CRB1: variants seen among roughly 807,000 people sequenced by gnomAD.
CRB1 encodes the protein protein crumbs homolog 1.
In CRB1, 83 loss-of-function variants were observed where a neutral mutation model predicts 120.0. That is an observed-to-expected ratio of 0.69 (90% confidence interval 0.58 to 0.83). The LOEUF (loss-of-function observed/expected upper bound fraction) is 0.83. CRB1 is among the 40% of genes least tolerant of loss of function. The pLI is 0.00. For missense variants in CRB1, 1,699 were observed against 1,687.6 expected (o/e 1.01, Z -0.12); for synonymous variants, 625 against 612.5 (o/e 1.02, Z -0.30).
intron 4 of CRB1, among the ~76,000 whole-genome samples, chr1:197,354,148 A>T (rs1660284715): frequency 6.6e-6 from 1 of 152,186 alleles, no homozygotes; most frequent in Non-Finnish European, 1.5e-5. Context: ...TGGTGATAGC[A>T]AAGGTTGGCA....
At chr1:197,380,061 C>T (rs982078098) in intron 5 of CRB1, among the ~76,000 whole-genome samples, 4 of 151,918 alleles carry the variant, frequency 2.6e-5, no homozygotes, top group African/African-American at 7.3e-5. Flanking sequence ...TTTAATACGT[C>T]GAAAAAGAGG....
intron 5 of CRB1, among the ~76,000 whole-genome samples, chr1:197,370,485 G>C (rs973679792): frequency 6.6e-6 from 1 of 152,048 alleles, no homozygotes; most frequent in South Asian, 2.1e-4. Flanking sequence ...TACACTCTCA[G>C]ACCACAGTGG....
chr1:197,238,069 G>C, the CRB1 span, among the ~76,000 whole-genome samples: 1 of 151,942 alleles, frequency 6.6e-6, no homozygotes, highest in African/African-American at 2.4e-5. Context: ...AGTTTAATGT[G>C]CTTTTAAAAA....
At chr1:197,351,346 C>T (rs1453022839) in intron 4 of CRB1, among the ~76,000 whole-genome samples, 10 of 108,538 alleles carry the variant, frequency 9.2e-5, no homozygotes, top group Non-Finnish European at 1.7e-4. Flanking sequence ...TACTCCAGGG[C>T]GAGAGGGTGA....
chr1:197,305,916 A>AG (rs1657144794), intron 1 of CRB1, among the ~76,000 whole-genome samples: 1 of 147,608 alleles, frequency 6.8e-6, no homozygotes, highest in Non-Finnish European at 1.5e-5. Flanking sequence ...AAAAAAAAAA[A>AG]CAAAAAGCAA....
chr1:197,424,707 A>G (rs1664496910), intron 6 of CRB1, among the ~76,000 whole-genome samples: 2 of 152,216 alleles, frequency 1.3e-5, no homozygotes, highest in South Asian at 4.1e-4. Context: ...ATGATGCCAC[A>G]TAGTCCTGTT....
rs773815247 is a variant in CRB1, at chr1:197,434,764, G to A, written c.2901G>A (p.Gly967=). The change falls in exon 9 of 12, where the codon GGG becomes GGA. Residue 967 remains glycine (G), a synonymous_variant. Transcript: ENST00000367400. The part of the protein sequence containing the change: ...QSGQILFRSN[G]NITRELTNIT... Reference sequence around the variant, plus strand: ...GTCAAATATTATTCAGAAGCAATGGGAATATTACCAGAGAACTCACCAATA... The same window carrying A: ...GTCAAATATTATTCAGAAGCAATGGAAATATTACCAGAGAACTCACCAATA... 6.2e-7 allele frequency: 1 copy of A among 1,613,602 alleles called. No individual in the cohort carries two copies. The highest frequency in any genetic ancestry group is 8.5e-7 in the Non-Finnish European group (1 of 1,179,690).
At chr1:197,369,108 G>C (rs192323613) in intron 5 of CRB1, among the ~76,000 whole-genome samples, 110 of 152,264 alleles carry the variant, frequency 7.2e-4, no homozygotes, top group Non-Finnish European at 1.3e-3. Context: ...ACGTGGTCTA[G>C]TGTGTGTTTA....
chr1:197,427,904 A>G lies in CRB1; in HGVS notation c.2579A>G (p.Gln860Arg), dbSNP rs1428615833. 6.2e-7 allele frequency: 1 copy of G among 1,614,044 alleles called. No individual in the cohort carries two copies. The highest frequency in any genetic ancestry group is 8.5e-7 in the Non-Finnish European group (1 of 1,179,968). The change falls in exon 7 of 12, where the codon CAA (glutamine) becomes CGA (arginine). Residue 860 changes from glutamine to arginine, a missense_variant. Transcript: ENST00000367400. ...GCIQDVRLNN[Q>R]NLEFFPNPTN... ...ATCCAAGATGTAAGACTAAACAACC[A>G]AAATCTGGAATTCTTTCCAAATCCA...
At chr1:197,331,295 G>A (rs1463266374) in intron 2 of CRB1, among the ~76,000 whole-genome samples, 1 of 152,138 alleles carries the variant, frequency 6.6e-6, no homozygotes, top group East Asian at 1.9e-4. Flanking sequence ...TCCCCATCCT[G>A]AAACTCAGGT....
At chr1:197,438,779 G>GA in intron 10 of CRB1, 104 bp downstream of exon 10, 4 of 1,408,918 alleles carry the variant, frequency 2.8e-6, no homozygotes, top group Non-Finnish European at 4.0e-6. Context: ...GTTCCCATAG[G>GA]AAAATCTATG....
Position 197,438,694 on chromosome 1 carries a change from T to G in CRB1, c.3878+19T>G. On this transcript the variant is annotated intron_variant, in intron 10 of 11. Transcript: ENST00000367400. ...GAGAATGGTGAGTCACATTAGAGCCTTCTGGAAGAGAATTCTGAGCTAAAG... is the reference window on the plus strand; with the variant it reads ...GAGAATGGTGAGTCACATTAGAGCCGTCTGGAAGAGAATTCTGAGCTAAAG... 1 of 1,610,788 alleles carries G rather than the reference T, an allele frequency of 6.2e-7. No individual in the cohort carries two copies. Among genetic ancestry groups the G allele is most frequent in the Non-Finnish European group, 8.5e-7 (1 of 1,177,526 alleles).
intron 2 of CRB1, among the ~76,000 whole-genome samples, chr1:197,336,435 G>T (rs1391887830): frequency 6.9e-6 from 1 of 144,398 alleles, no homozygotes; most frequent in African/African-American, 2.7e-5. Flanking sequence ...TATTTCATGA[G>T]AAATAATATT....
intron 8 of CRB1, among the ~76,000 whole-genome samples, chr1:197,432,206 T>C (rs1238202786): frequency 6.6e-6 from 1 of 152,166 alleles, no homozygotes; most frequent in Non-Finnish European, 1.5e-5. Context: ...GCAGAGTTAG[T>C]AAATATATTT....
chr1:197,263,088 C>A, the CRB1 span, among the ~76,000 whole-genome samples: 4 of 152,056 alleles, frequency 2.6e-5, no homozygotes, highest in Non-Finnish European at 5.9e-5. Flanking sequence ...GTTTTAAGTT[C>A]TTTGAGAAAT....
chr1:197,441,617 G>C (rs559853127), intron 10 of CRB1: 1 of 140,936 alleles, frequency 7.1e-6, no homozygotes, highest in Non-Finnish European at 1.5e-5. Context: ...AAATCTCTCA[G>C]AATAAACCTC....
intron 5 of CRB1, among the ~76,000 whole-genome samples, chr1:197,406,934 A>T (rs1265819950): frequency 6.6e-6 from 1 of 152,230 alleles, no homozygotes; most frequent in African/African-American, 2.4e-5. Context: ...AACAAAGTTA[A>T]AACTCAGAGA....
At chr1:197,460,616 A>T (rs1049369519) in intron 11 of CRB1, among the ~76,000 whole-genome samples, 6 of 152,134 alleles carry the variant, frequency 3.9e-5, no homozygotes, top group Admixed American at 3.9e-4. Flanking sequence ...CACTTTACAG[A>T]TGCTGAAACG....
chr1:197,421,720 A>G lies in CRB1; in HGVS notation c.1892A>G (p.Tyr631Cys), dbSNP rs1271816211. 1.5e-5 allele frequency: 24 copies of G among 1,614,052 alleles called. No homozygotes were observed. The highest frequency in any genetic ancestry group is 1.9e-5 in the Non-Finnish European group (23 of 1,180,026). ...AATGGTGTTGCTCTGCTTAACTTCT[A>G]TAATATGCCATCCACACCTTCGTTT... is the stretch of plus-strand genomic sequence containing the variant. ...TSNGVALLNF[Y>C]NMPSTPSFVG... Residue 631 changes from tyrosine to cysteine, a missense_variant, in exon 6 of 12, where the codon TAT (tyrosine) becomes TGT (cysteine). Physicochemically the swap from Tyr to Cys is radical, Grantham distance 194. Coordinates refer to ENST00000367400, the MANE Select transcript of CRB1 (RefSeq NM_201253.3).
Sources: allele counts gnomAD v4.1 joint callset (sites outside exome capture counted in the v4.1 genomes callset), GRCh38; gene constraint gnomAD v4.1.1; transcripts MANE v1.5; gene names NCBI Gene and HGNC (gene_info 2026-07-23, HGNC 2026-07-21).